MDGA2: variants seen among roughly 807,000 people sequenced by gnomAD.
MDGA2 encodes the protein MAM domain containing glycosylphosphatidylinositol anchor 2.
In MDGA2, 40 loss-of-function variants were observed where a neutral mutation model predicts 117.8. The ratio of observed to expected loss-of-function variants is 0.34; its 90% CI spans 0.26 to 0.44. The LOEUF (loss-of-function observed/expected upper bound fraction) is 0.44. Ranked by LOEUF, MDGA2 falls within the 20% of genes least tolerant of loss-of-function variation. The pLI is 1.00. For synonymous variants in MDGA2, 452 were observed against 439.0 expected, an observed-to-expected ratio of 1.03 and a Z score of -0.37; for missense variants, 1,123 against 1,250.6, an observed-to-expected ratio of 0.90 and a Z score of 1.54.
rs554518208 is a variant in MDGA2 at position 47,387,167 on chromosome 14, G to A, written c.281-85617C>T. 5.9e-5 allele frequency among the ~76,000 whole-genome samples: 9 copies of A among 152,218 alleles called. No individual in the cohort carries two copies. In the South Asian group the frequency reaches 6.2e-4, roughly 11 times the overall value. On this transcript the variant is annotated intron_variant, in intron 1 of 16. Transcript: ENST00000399232. ...TGGTTGCTGTACAATCTCAGGAAAC[G>A]TTAAGGATCTCTCTAACATTATTTC... is the stretch of plus-strand genomic sequence containing the variant.
intron 1 of MDGA2, among the ~76,000 whole-genome samples, chr14:47,614,047 A>G (rs1896902143): frequency 6.7e-6 from 1 of 150,234 alleles, no homozygotes; most frequent in Non-Finnish European, 1.5e-5. Context: ...CCCATAAAAA[A>G]TGTTGTTTAA....
chr14:46,863,274 A>C (rs1881586013), intron 14 of MDGA2, among the ~76,000 whole-genome samples: 2 of 152,072 alleles, frequency 1.3e-5, no homozygotes, highest in Admixed American at 1.3e-4. Context: ...CACCCACGCC[A>C]TGGGCTTGTC....
At chr14:46,909,626 T>TTTATAGAGG (rs1883625484) in intron 10 of MDGA2, among the ~76,000 whole-genome samples, 1 of 152,034 alleles carries the variant, frequency 6.6e-6, no homozygotes, top group African/African-American at 2.4e-5. Flanking sequence ...GCAAGGATAA[T>TTTATAGAGG]CAAAAAATTA....
At chr14:47,159,987 T>C (rs1594679607) in intron 3 of MDGA2, among the ~76,000 whole-genome samples, 1 of 152,270 alleles carries the variant, frequency 6.6e-6, no homozygotes, top group East Asian at 1.9e-4. Flanking sequence ...GTATGGCTAG[T>C]TTTCCCCTAG....
intron 1 of MDGA2, among the ~76,000 whole-genome samples, chr14:47,363,914 T>A (rs1018657592): frequency 6.6e-6 from 1 of 152,216 alleles, no homozygotes; most frequent in Non-Finnish European, 1.5e-5. Flanking sequence ...GTCTAACATG[T>A]ATGCTTTTAC....
intron 1 of MDGA2, among the ~76,000 whole-genome samples, chr14:47,311,235 A>T (rs921013541): frequency 6.6e-6 from 1 of 152,176 alleles, no homozygotes; most frequent in African/African-American, 2.4e-5. Context: ...TAGTCTTATC[A>T]TTGTGCTCCA....
chr14:47,072,396 T>C (rs1890325876), intron 6 of MDGA2, among the ~76,000 whole-genome samples: 1 of 152,212 alleles, frequency 6.6e-6, no homozygotes, highest in Admixed American at 6.5e-5. Context: ...TTGTTGGATA[T>C]AAGTCAGTCT....
intron 1 of MDGA2, among the ~76,000 whole-genome samples, chr14:47,548,344 T>C (rs2138771196): frequency 6.6e-6 from 1 of 152,324 alleles, no homozygotes; most frequent in East Asian, 1.9e-4. Flanking sequence ...TTCCTGTTTC[T>C]TGCGACTTTT....
At chr14:46,918,572 T>C (rs1191212476) in intron 10 of MDGA2, among the ~76,000 whole-genome samples, 1 of 152,134 alleles carries the variant, frequency 6.6e-6, no homozygotes, top group Non-Finnish European at 1.5e-5. Flanking sequence ...TACAGTCCTT[T>C]TTCAATGAGG....
chr14:47,606,995 G>A (rs1006407949), intron 1 of MDGA2, among the ~76,000 whole-genome samples: 1 of 152,046 alleles, frequency 6.6e-6, no homozygotes, highest in Non-Finnish European at 1.5e-5. Context: ...AATTTTAAAT[G>A]GTAGAGGAAA....
intron 2 of MDGA2, among the ~76,000 whole-genome samples, chr14:47,257,125 C>T (rs1424013396): frequency 6.6e-6 from 1 of 152,084 alleles, no homozygotes; most frequent in Non-Finnish European, 1.5e-5. Context: ...ATTTGTACTC[C>T]TCTGTTCAAA....
chr14:47,196,682 T>C (rs1463997053), intron 3 of MDGA2, among the ~76,000 whole-genome samples: 1 of 152,204 alleles, frequency 6.6e-6, no homozygotes, highest in Non-Finnish European at 1.5e-5. Flanking sequence ...TTATTAATTT[T>C]AGGTTCAAAG....
intron 1 of MDGA2, among the ~76,000 whole-genome samples, chr14:47,488,097 C>A (rs1894097002): frequency 6.6e-6 from 1 of 151,896 alleles, no homozygotes; most frequent in South Asian, 2.1e-4. Flanking sequence ...TGTTTTCGAC[C>A]CTGGTTAGAT....
chr14:46,875,372 G>A (rs1882184783), intron 12 of MDGA2, among the ~76,000 whole-genome samples: 1 of 151,598 alleles, frequency 6.6e-6, no homozygotes, highest in African/African-American at 2.4e-5. Flanking sequence ...TTTAGGGAAT[G>A]AGTTTATGTT....
chr14:47,580,315 A>T (rs12433654), intron 1 of MDGA2, among the ~76,000 whole-genome samples: 1 of 151,846 alleles, frequency 6.6e-6, no homozygotes, highest in Non-Finnish European at 1.5e-5. Context: ...CATGTGGTGA[A>T]GGAGCAAAGA....
chr14:46,891,323 A>G (rs2138418048), intron 10 of MDGA2, among the ~76,000 whole-genome samples: 1 of 151,842 alleles, frequency 6.6e-6, no homozygotes, highest in East Asian at 1.9e-4. Flanking sequence ...GAAAAAATAA[A>G]ATGATAAAAA....
intron 1 of MDGA2, among the ~76,000 whole-genome samples, chr14:47,368,078 G>A (rs542870409): frequency 6.6e-6 from 1 of 151,998 alleles, no homozygotes; most frequent in East Asian, 1.9e-4. Context: ...TCAGGAGTTC[G>A]AGATCAGCCT....
At chr14:47,576,907 C>G (rs946100150) in intron 1 of MDGA2, among the ~76,000 whole-genome samples, 2 of 151,998 alleles carry the variant, frequency 1.3e-5, no homozygotes, top group African/African-American at 2.4e-5. Flanking sequence ...TGCCACTATA[C>G]CCCCCTAATT....
Position 47,063,386 on chromosome 14 carries a change from T to A in MDGA2, c.1196-1808A>T, listed in dbSNP as rs546304794. ...CTCTAGGGTGAAATTAGGATACATTTTGGTATTCTGTTACCTAGAATCATA... is the reference window on the plus strand; with the variant it reads ...CTCTAGGGTGAAATTAGGATACATTATGGTATTCTGTTACCTAGAATCATA... On this transcript the variant is annotated intron_variant, in intron 6 of 16. Transcript: ENST00000399232. Among the ~76,000 whole-genome samples the A allele has an allele frequency of 2.6e-5, 4 of 152,162 alleles. No homozygotes were observed. In the South Asian group the frequency reaches 8.3e-4, roughly 31 times the overall value.
Sources: gnomAD v4.1 joint callset for allele counts (sites outside exome capture counted in the v4.1 genomes callset) on GRCh38, gnomAD v4.1.1 for gene constraint, MANE v1.5 for transcripts, NCBI Gene and HGNC (gene_info 2026-07-23, HGNC 2026-07-21) for gene names.